The following APBB2 variants were observed in gnomAD, a reference collection of about 807,000 sequenced individuals.
APBB2 encodes the protein Fe65-like 1.
In APBB2, 38 loss-of-function variants were observed where a neutral mutation model predicts 82.5. The ratio of observed to expected loss-of-function variants is 0.46; its 90% confidence interval spans 0.36 to 0.60. The LOEUF is 0.60. Ranked by LOEUF, APBB2 falls within the 20% of genes least tolerant of loss-of-function variation. The pLI is 0.00. For synonymous variants in APBB2, 341 were observed against 368.2 expected, an observed-to-expected ratio of 0.93 and a Z score of 0.85; for missense variants, 772 against 972.3, an observed-to-expected ratio of 0.79 and a Z score of 2.74.
intron 12 of APBB2, among the ~76,000 whole-genome samples, chr4:40,834,985 C>A (rs1296999667): frequency 2.0e-5 from 3 of 152,108 alleles, no homozygotes; most frequent in Non-Finnish European, 2.9e-5. Flanking sequence ...TTAAAATATT[C>A]AATTCATTAA....
intron 16 of APBB2, chr4:40,822,361 T>C (rs1748299834): frequency 8.1e-6 from 2 of 247,802 alleles, no homozygotes; most frequent in Admixed American, 1.0e-4. Context: ...ACTTCTTACA[T>C]CTAGCCCAAA....
intron 3 of APBB2, among the ~76,000 whole-genome samples, chr4:41,092,688 CAAA>C (rs77137726): frequency 4.3e-5 from 4 of 93,870 alleles, no homozygotes; most frequent in Admixed American, 1.2e-4. Context: ...GACTCCGTCT[CAAA>C]AAAAAAAAAA....
chr4:40,983,685 C>G (rs906353376), intron 6 of APBB2, among the ~76,000 whole-genome samples: 13 of 152,096 alleles, frequency 8.5e-5, no homozygotes, highest in African/African-American at 3.1e-4. Context: ...TTAAGCAATT[C>G]TCCTGCCTCA....
rs965362316 is a variant in APBB2 at position 40,833,439 on chromosome 4, C to G, written c.1530-2862G>C. Among the ~76,000 whole-genome samples the G allele has an allele frequency of 3.3e-5, 5 of 152,210 alleles. No individual in the cohort carries two copies. In the East Asian group the frequency reaches 9.6e-4, roughly 29 times the overall value. On this transcript the variant is annotated intron_variant, in intron 12 of 17. Coordinates refer to ENST00000508593, the MANE Select transcript of APBB2 (RefSeq NM_004307.2). ...GGCCCTCCCCACACTGTCCAGCGCA[C>G]GCCCATCTACTCAGCCTAGCCCAGC...
intron 1 of APBB2, among the ~76,000 whole-genome samples, chr4:41,174,704 T>C (rs139771909): frequency 6.6e-5 from 10 of 152,196 alleles, no homozygotes; most frequent in Admixed American, 6.6e-4. Flanking sequence ...GTGAGGTACA[T>C]GCAGCACCAG....
chr4:41,075,413 A>G (rs1368944785), intron 3 of APBB2, among the ~76,000 whole-genome samples: 1 of 152,236 alleles, frequency 6.6e-6, no homozygotes, highest in Non-Finnish European at 1.5e-5. Context: ...TACATGTTCA[A>G]TGATGGAAGC....
chr4:41,133,523 G>A (rs942723663), intron 2 of APBB2, among the ~76,000 whole-genome samples: 10 of 152,178 alleles, frequency 6.6e-5, no homozygotes, highest in African/African-American at 1.9e-4. Flanking sequence ...TAAAAAGCTG[G>A]AGGTTGGCAA....
At chr4:41,083,155 AC>A (rs910899977) in intron 3 of APBB2, among the ~76,000 whole-genome samples, 6 of 151,984 alleles carry the variant, frequency 3.9e-5, no homozygotes, top group Non-Finnish European at 7.4e-5. Flanking sequence ...ACAGAACAAG[AC>A]TTTGTCTCAA....
At chr4:41,200,293 T>C (rs946876962) in intron 1 of APBB2, among the ~76,000 whole-genome samples, 1 of 152,202 alleles carries the variant, frequency 6.6e-6, no homozygotes, top group Non-Finnish European at 1.5e-5. Flanking sequence ...TGTATTCTAT[T>C]ACCCTGACTG....
chr4:41,018,949 A>G (rs1258775054), intron 5 of APBB2, among the ~76,000 whole-genome samples: 1 of 152,242 alleles, frequency 6.6e-6, no homozygotes, highest in Non-Finnish European at 1.5e-5. Context: ...CTCTCCCACT[A>G]CTACAGTTCC....
chr4:40,963,550 T>C lies in APBB2; in HGVS notation c.836-18477A>G, dbSNP rs139792246. Reference sequence around the variant, plus strand: ...GGCATGGGCCACCGCGCCCAGCCTCTATTACTTTTTCTATGAAAGGAATTA... The same window carrying C: ...GGCATGGGCCACCGCGCCCAGCCTCCATTACTTTTTCTATGAAAGGAATTA... On this transcript the variant is annotated intron_variant, in intron 6 of 17. Transcript: ENST00000508593. 6.6e-5 allele frequency among the ~76,000 whole-genome samples: 10 copies of C among 152,356 alleles called. No homozygotes were observed. In the East Asian group the frequency reaches 1.7e-3, roughly 26 times the overall value.
At chr4:41,148,178 G>C (rs1389890297) in intron 1 of APBB2, among the ~76,000 whole-genome samples, 1 of 152,154 alleles carries the variant, frequency 6.6e-6, no homozygotes, top group Non-Finnish European at 1.5e-5. Context: ...GATAACCTTA[G>C]GGCAGTTTGG....
chr4:41,207,680 C>A (rs1778305784), intron 1 of APBB2, among the ~76,000 whole-genome samples: 1 of 152,142 alleles, frequency 6.6e-6, no homozygotes, highest in Admixed American at 6.5e-5. Context: ...TTAGCTCATT[C>A]ACAGTTCCTA....
At chr4:40,906,048 G>A (rs1776611325) in intron 10 of APBB2, among the ~76,000 whole-genome samples, 1 of 152,200 alleles carries the variant, frequency 6.6e-6, no homozygotes, top group South Asian at 2.1e-4. Flanking sequence ...TAGCATTAAA[G>A]TCATGACATC....
In APBB2 at chr4:40,866,816, C is replaced by A. The variant is rs554563866; in HGVS notation, c.1529+23548G>T. On this transcript the variant is annotated intron_variant, in intron 12 of 17. Coordinates refer to ENST00000508593, the MANE Select transcript of APBB2 (RefSeq NM_004307.2). ...CACTGAAACCTCCACCTCCCAGGTT[C>A]AAGCAATTCTCCTGCCTCAGCCTCC... 2.7e-3 allele frequency among the ~76,000 whole-genome samples: 411 copies of A among 152,252 alleles called. 2 individuals are homozygous for A. Among genetic ancestry groups the A allele is most frequent in the African/African-American group, 9.4e-3 (389 of 41,540 alleles).
At chr4:41,015,610 A>G (rs2063173) in intron 5 of APBB2, among the ~76,000 whole-genome samples, 40,363 of 152,122 alleles carry the variant, frequency 0.27, 6,559 homozygotes, top group East Asian at 0.54. Flanking sequence ...TGCTCATTCT[A>G]GAGTCCCTAT....
intron 2 of APBB2, among the ~76,000 whole-genome samples, chr4:41,122,263 T>A (rs974775866): frequency 2.6e-5 from 4 of 152,184 alleles, no homozygotes; most frequent in Admixed American, 2.6e-4. Context: ...ACAATGACAC[T>A]TGAGGACAGT....
intron 3 of APBB2, among the ~76,000 whole-genome samples, chr4:41,086,463 A>G (rs1281134686): frequency 6.6e-6 from 1 of 152,234 alleles, no homozygotes. Flanking sequence ...AGGATTATAC[A>G]CCATGATCAA....
chr4:41,028,329 A>G (rs1715322813), intron 5 of APBB2, among the ~76,000 whole-genome samples: 1 of 152,280 alleles, frequency 6.6e-6, no homozygotes, highest in Non-Finnish European at 1.5e-5. Context: ...GCCAAGGCAC[A>G]GCCAATCACA....
Sources: gnomAD v4.1 joint callset for allele counts (sites outside exome capture counted in the v4.1 genomes callset) on GRCh38, gnomAD v4.1.1 for gene constraint, MANE v1.5 for transcripts, NCBI Gene and HGNC (gene_info 2026-07-23, HGNC 2026-07-21) for gene names.